TRIM11: variants seen among roughly 807,000 people sequenced by gnomAD.
The protein encoded by TRIM11 is E3 ubiquitin-protein ligase TRIM11.
A neutral mutation model predicts 33.4 loss-of-function variants in TRIM11; 15 were observed. That is an observed-to-expected ratio of 0.45 (90% CI 0.30 to 0.69). The LOEUF (loss-of-function observed/expected upper bound fraction) is 0.69. Among genes scored for constraint, TRIM11 ranks in the 30% least tolerant of loss-of-function variants. The probability of loss-of-function intolerance (pLI) is 0.08; values close to 1 mark genes in which losing one functional copy is unlikely to be tolerated. For missense variants in TRIM11, 499 were observed against 667.6 expected (o/e 0.75, Z 2.78); for synonymous variants, 281 against 302.6 (o/e 0.93, Z 0.74).
rs370455611 is a variant in TRIM11 at position 228,395,169 on chromosome 1, G to A, written c.943C>T (p.Arg315Trp). Reference sequence around the variant, plus strand: ...TCTGGGCTGTCCGGCAGGGCCTGCCGTAGGTCCCCCCGCTGCACGCTCCGC... The same window carrying A: ...TCTGGGCTGTCCGGCAGGGCCTGCCATAGGTCCCCCCGCTGCACGCTCCGC... ...DRRSVQRGDL[R>W]QALPDSPERF... is the part of the protein sequence containing the mutation. The change falls in exon 6 of 6, where the codon CGG becomes TGG. Residue 315 changes from arginine (R) to tryptophan (W), a missense_variant. Arg to Trp is a moderately radical substitution (Grantham distance 101). Coordinates refer to ENST00000284551, the MANE Select transcript of TRIM11 (RefSeq NM_145214.3). This position sits in a 1 kb window ranked among gnomAD's most constrained non-coding sequence, Gnocchi z 4.8. 75 of 1,525,402 alleles carry A rather than the reference G, an allele frequency of 4.9e-5. No individual in the cohort carries two copies. Among genetic ancestry groups the A allele is most frequent in the Middle Eastern group, 1.7e-4 (1 of 5,740 alleles). 94.5% of individuals were successfully genotyped at this position (1,525,402 alleles called of 1,614,324 possible).
At chr1:228,399,128 T>C (rs505129) in intron 3 of TRIM11, among the ~76,000 whole-genome samples, 19,782 of 152,034 alleles carry the variant, frequency 0.13, 1,561 homozygotes, top group East Asian at 0.32. Flanking sequence ...GTGCAACCCC[T>C]GTCCATTCGG....
rs780388055 is a variant in TRIM11 at position 228,395,180 on chromosome 1, C to T, written c.932G>A (p.Arg311Gln). Residue 311 changes from arginine (R) to glutamine (Q), a missense_variant, in exon 6 of 6, where the codon CGG becomes CAG. Transcript: ENST00000284551. This position sits in a 1 kb window ranked among gnomAD's most constrained non-coding sequence, Gnocchi z 4.8. Reference sequence around the variant, plus strand: ...CGGCAGGGCCTGCCGTAGGTCCCCCCGCTGCACGCTCCGCCTGTCTTCAGA... The same window carrying T: ...CGGCAGGGCCTGCCGTAGGTCCCCCTGCTGCACGCTCCGCCTGTCTTCAGA... ...ILSEDRRSVQ[R>Q]GDLRQALPDS... is the part of the protein sequence containing the mutation. The T allele has an allele frequency of 2.0e-6, 3 of 1,514,102 alleles. No individual in the cohort carries two copies. The highest frequency in any genetic ancestry group is 1.4e-5 in the African/African-American group (1 of 72,088). 93.8% of individuals were successfully genotyped at this position (1,514,102 alleles called of 1,614,324 possible).
At position 228,395,293 on chromosome 1, in the gene TRIM11, G is replaced by A; in HGVS notation, c.860-41C>T. 2.1e-6 allele frequency: 3 copies of A among 1,414,890 alleles called. No homozygotes were observed. The highest frequency in any genetic ancestry group is 2.8e-6 in the Non-Finnish European group (3 of 1,088,176). The allele number at this position is 1,414,890 out of a possible 1,614,324, so 87.6% of individuals were successfully genotyped here. ...CAAGGTCACCCAGGCACAGCCACAG[G>A]CAAGCTGGGGCCATCTGCCCATGTC... On this transcript the variant is annotated intron_variant, in intron 5 of 5. Coordinates refer to ENST00000284551, the MANE Select transcript of TRIM11 (RefSeq NM_145214.3). The surrounding 1 kb of genome is among the most constrained non-coding windows in gnomAD (Gnocchi z 4.8).
At position 228,395,472 on chromosome 1, in the gene TRIM11, T is replaced by C; in HGVS notation, c.860-220A>G. The C allele has an allele frequency of 4.8e-6, 2 of 420,632 alleles. No individual in the cohort carries two copies. Among genetic ancestry groups the C allele is most frequent in the Non-Finnish European group, 8.1e-6 (2 of 245,904 alleles). 26.1% of individuals were successfully genotyped at this position (420,632 alleles called of 1,614,324 possible). ...GTTGCAACTTACAATGTCCTACAAA[T>C]TGGTCCATGTTTTGCCTTCAGATAT... On this transcript the variant is annotated intron_variant, in intron 5 of 5. Coordinates refer to ENST00000284551, the MANE Select transcript of TRIM11 (RefSeq NM_145214.3). The surrounding 1 kb of genome is among the most constrained non-coding windows in gnomAD (Gnocchi z 4.8).
rs1248627618 is a variant in TRIM11, at chr1:228,403,805, T to A, written c.409-1644A>T. The A allele has an allele frequency of 6.6e-6, 1 of 152,248 alleles. No homozygotes were observed. The highest frequency in any genetic ancestry group is 1.5e-5 in the Non-Finnish European group (1 of 68,060). 9.4% of individuals were successfully genotyped at this position (152,248 alleles called of 1,614,324 possible). A position where few individuals can be genotyped will look rare whatever the true frequency, so the allele number is the denominator to read the frequency against. On this transcript the variant is annotated intron_variant, in intron 1 of 5. Transcript: ENST00000284551. The surrounding 1 kb of genome is among the most constrained non-coding windows in gnomAD (Gnocchi z 4.8). Reference sequence around the variant, plus strand: ...GAGTAGCTGGGATTACAGGTGCCCATCACCACACCCAGCTAATTTTTGTAT... The same window carrying A: ...GAGTAGCTGGGATTACAGGTGCCCAACACCACACCCAGCTAATTTTTGTAT...
rs1223483528 is a variant in TRIM11 at position 228,406,811 on chromosome 1, T to C, written c.-250A>G. 1 of 205,278 alleles carries C rather than the reference T, an allele frequency of 4.9e-6. No homozygotes were observed. The highest frequency in any genetic ancestry group is 3.0e-5 in the African/African-American group (1 of 33,048). The allele number at this position is 205,278 out of a possible 1,614,324, so 12.7% of individuals were successfully genotyped here. ...GGACGCGGGACGTAGGGATCCCGGA[T>C]GCCGGCAGGAAGAGGAGCCGAGGCG... is the stretch of plus-strand genomic sequence containing the variant. On this transcript the variant is annotated 5_prime_UTR_variant, in exon 1 of 6. Transcript: ENST00000284551. The surrounding 1 kb of genome is among the most constrained non-coding windows in gnomAD (Gnocchi z 8.2).
Position 228,396,210 on chromosome 1 carries a change from C to T in TRIM11, c.859+737G>A, listed in dbSNP as rs151111090. The T allele has an allele frequency of 5.3e-3, 892 of 167,954 alleles. 4 individuals carry two copies. The highest frequency in any genetic ancestry group is 0.019 in the African/African-American group (783 of 41,930). The allele number at this position is 167,954 out of a possible 1,614,324, so 10.4% of individuals were successfully genotyped here. ...AAAGACCAATCCTGTCAGTAGAGGG[C>T]GGGAACACTCAGCCCCAGCCTCTGA... On this transcript the variant is annotated intron_variant, in intron 5 of 5. Transcript: ENST00000284551.
chr1:228,405,170 A>T (rs1439844141), intron 1 of TRIM11: 1 of 152,272 alleles, frequency 6.6e-6, no homozygotes, highest in African/African-American at 2.4e-5. Flanking sequence ...AGAAAACCCA[A>T]ATGAATCTGT....
Position 228,395,516 on chromosome 1 carries a change from GC to G in TRIM11, c.860-265del. 1 of 337,534 alleles carries G rather than the reference GC, an allele frequency of 3.0e-6. No individual in the cohort carries two copies. Among genetic ancestry groups the G allele is most frequent in the Admixed American group, 4.8e-5 (1 of 20,676 alleles). 20.9% of individuals were successfully genotyped at this position (337,534 alleles called of 1,614,324 possible). ...CAGATATCAAGAGGGAATCTTGGTT[GC>G]TTTTTTTTTTTTTTTTAAAGAGGCA... On this transcript the variant is annotated intron_variant, in intron 5 of 5. Coordinates refer to ENST00000284551, the MANE Select transcript of TRIM11 (RefSeq NM_145214.3). This position sits in a 1 kb window ranked among gnomAD's most constrained non-coding sequence, Gnocchi z 4.8.
chr1:228,397,076 C>T, intron 4 of TRIM11, 29 bp from the exon 5 acceptor site: 1 of 1,613,844 alleles, frequency 6.2e-7, no homozygotes, highest in Non-Finnish European at 8.5e-7. Context: ...GTGTTGTCGC[C>T]ATGGCCAACA....
intron 3 of TRIM11, among the ~76,000 whole-genome samples, chr1:228,397,853 A>T (rs1023119782): frequency 2.6e-5 from 4 of 152,214 alleles, no homozygotes; most frequent in Non-Finnish European, 5.9e-5. Context: ...TCTCATAAGA[A>T]GGGGCGACTA....
Position 228,406,078 on chromosome 1 carries a change from A to AAAAC in TRIM11, c.408+75_408+76insGTTT. ...CAGATTACTCCCGGAGCAGTCCCCC[A>AAAAC]AACCTCCCACCCGCCCAGGCCTCCC... On this transcript the variant is annotated intron_variant, in intron 1 of 5. Transcript: ENST00000284551. This position sits in a 1 kb window ranked among gnomAD's most constrained non-coding sequence, Gnocchi z 8.2. 1.7e-6 allele frequency: 2 copies of AAAAC among 1,193,004 alleles called. No homozygotes were observed. Among genetic ancestry groups the AAAAC allele is most frequent in the Non-Finnish European group, 1.1e-6 (1 of 924,892 alleles). The allele number at this position is 1,193,004 out of a possible 1,614,324, so 73.9% of individuals were successfully genotyped here. A position where few individuals can be genotyped will look rare whatever the true frequency, so the allele number is the denominator to read the frequency against.
At position 228,395,206 on chromosome 1, in the gene TRIM11, C is replaced by A. The variant is rs774112344; in HGVS notation, c.906G>T (p.Leu302=). Residue 302 remains leucine (L), a synonymous_variant, in exon 6 of 6, where the codon CTG becomes CTT. Coordinates refer to ENST00000284551, the MANE Select transcript of TRIM11 (RefSeq NM_145214.3). This position sits in a 1 kb window ranked among gnomAD's most constrained non-coding sequence, Gnocchi z 4.8. ...GCTGCACGCTCCGCCTGTCTTCAGACAGGATCAGCTCAGGGTTGGCGGTGT... is the reference window on the plus strand; with the variant it reads ...GCTGCACGCTCCGCCTGTCTTCAGAAAGGATCAGCTCAGGGTTGGCGGTGT... ...DPDTANPELI[L]SEDRRSVQRG... 2 of 1,495,406 alleles carry A rather than the reference C, an allele frequency of 1.3e-6. No individual in the cohort carries two copies. Among genetic ancestry groups the A allele is most frequent in the African/African-American group, 1.4e-5 (1 of 71,630 alleles). 92.6% of individuals were successfully genotyped at this position (1,495,406 alleles called of 1,614,324 possible).
At chr1:228,404,978 A>G (rs1043707451) in intron 1 of TRIM11, 6 of 152,210 alleles carry the variant, frequency 3.9e-5, no homozygotes, top group African/African-American at 1.4e-4. Flanking sequence ...AACAGGGTAG[A>G]GGGAAATTTT....
rs1449692005 is a variant in TRIM11, at chr1:228,406,251, C to A, written c.311G>T (p.Gly104Val). ...AHREPLAAFC[G>V]DELRLLCAAC... ...CGCACACAGGAGGCGCAGCTCGTCG[C>A]CACAGAAGGCGGCCAGTGGCTCGCG... is the stretch of plus-strand genomic sequence containing the variant. Residue 104 changes from glycine to valine, a missense_variant, in exon 1 of 6, where the codon GGC becomes GTC. Transcript: ENST00000284551. This position sits in a 1 kb window ranked among gnomAD's most constrained non-coding sequence, Gnocchi z 8.2. The A allele has an allele frequency of 6.7e-7, 1 of 1,497,208 alleles. No homozygotes were observed. The highest frequency in any genetic ancestry group is 2.7e-5 in the East Asian group (1 of 36,600). The allele number at this position is 1,497,208 out of a possible 1,614,324, so 92.7% of individuals were successfully genotyped here.
intron 3 of TRIM11, among the ~76,000 whole-genome samples, chr1:228,399,095 T>C (rs1421366657): frequency 6.6e-6 from 1 of 151,628 alleles, no homozygotes. Flanking sequence ...TTCCTGGGAG[T>C]CACTCAAGCC....
Position 228,401,140 on chromosome 1 carries a change from G to C in TRIM11, c.559C>G (p.Arg187Gly). ...TGCTGCTCCTCCTCTGCCAGCAAACGGCGAAGACGCTCGAACTCACCCAGC... is the reference window on the plus strand; with the variant it reads ...TGCTGCTCCTCCTCTGCCAGCAAACCGCGAAGACGCTCGAACTCACCCAGC... ...NVLGEFERLRRLLAEEEQQLL... is the reference protein window; with the variant it reads ...NVLGEFERLRGLLAEEEQQLL... The change falls in exon 3 of 6, where the codon CGT (arginine) becomes GGT (glycine). Residue 187 changes from arginine to glycine, a missense_variant. Physicochemically the swap from Arg to Gly is moderately radical, Grantham distance 125. Coordinates refer to ENST00000284551, the MANE Select transcript of TRIM11 (RefSeq NM_145214.3). The surrounding 1 kb of genome is among the most constrained non-coding windows in gnomAD (Gnocchi z 6.1). 1 of 1,613,600 alleles carries C rather than the reference G, an allele frequency of 6.2e-7. No individual in the cohort carries two copies.
chr1:228,405,907 C>T, intron 1 of TRIM11: 1 of 412,386 alleles, frequency 2.4e-6, no homozygotes, highest in Non-Finnish European at 4.2e-6. Context: ...CCCCCGAGAG[C>T]AGGGTCTCAT....
chr1:228,401,775 T>C lies in TRIM11; in HGVS notation c.504+291A>G, dbSNP rs147530558. Among the ~76,000 whole-genome samples the C allele has an allele frequency of 3.8e-4, 58 of 152,164 alleles. No homozygotes were observed. Among genetic ancestry groups the C allele is most frequent in the African/African-American group, 1.4e-3 (57 of 41,506 alleles). ...CCTAGTCCCTCAAAACCTCCAAATT[T>C]ACCTCCAGGGCCCAGACCCTAAATA... On this transcript the variant is annotated intron_variant, in intron 2 of 5. Transcript: ENST00000284551. The surrounding 1 kb of genome is among the most constrained non-coding windows in gnomAD (Gnocchi z 6.1).
Sources: allele counts gnomAD v4.1 joint callset (sites outside exome capture counted in the v4.1 genomes callset), GRCh38; gene constraint gnomAD v4.1.1; non-coding constraint Gnocchi (gnomAD v3.1); transcripts MANE v1.5; gene names NCBI Gene and HGNC (gene_info 2026-07-23, HGNC 2026-07-21).